The following UTRN variants were observed in gnomAD, a reference collection of about 807,000 sequenced individuals.
The protein encoded by UTRN is utrophin.
Under a neutral mutation model 463.9 loss-of-function variants are expected in UTRN, and 283 were observed. That is an observed-to-expected ratio of 0.61 (90% CI 0.55 to 0.67). UTRN has a LOEUF of 0.67. Among genes scored for constraint, UTRN ranks in the 30% least tolerant of loss-of-function variants. The pLI, the probability that UTRN is intolerant of heterozygous loss-of-function variation, is 0.00. For missense variants in UTRN, 3,922 were observed against 4,084.3 expected (o/e 0.96, Z 1.08); for synonymous variants, 1,442 against 1,431.5 (o/e 1.01, Z -0.17).
intron 34 of UTRN, among the ~76,000 whole-genome samples, chr6:144,509,229 T>G (rs1026488332): frequency 1.3e-5 from 2 of 152,164 alleles, no homozygotes; most frequent in African/African-American, 4.8e-5. Context: ...ATTTTTTTCT[T>G]TATAAACATT....
chr6:144,641,568 C>T (rs961282027), intron 51 of UTRN, among the ~76,000 whole-genome samples: 11 of 152,126 alleles, frequency 7.2e-5, no homozygotes, highest in Non-Finnish European at 2.9e-5. Context: ...AACTCTGGAA[C>T]GCCCTTGGCC....
At chr6:144,642,318 A>T (rs1777855476) in intron 51 of UTRN, among the ~76,000 whole-genome samples, 1 of 152,100 alleles carries the variant, frequency 6.6e-6, no homozygotes, top group Admixed American at 6.5e-5. Context: ...TCATGTTTAG[A>T]TCTTATTTCA....
chr6:144,748,550 T>A, intron 55 of UTRN, 36 bp downstream of exon 55: 1 of 1,589,894 alleles, frequency 6.3e-7, no homozygotes, highest in Non-Finnish European at 8.5e-7. Context: ...TTTTAAGAAA[T>A]GTTTTCTTGT....
chr6:144,771,042 G>A (rs2128732605), intron 58 of UTRN, among the ~76,000 whole-genome samples: 1 of 152,316 alleles, frequency 6.6e-6, no homozygotes, highest in East Asian at 1.9e-4. Context: ...GACTCCCACA[G>A]CACTACTTCT....
At chr6:144,387,479 C>G (rs189899375) in intron 2 of UTRN, among the ~76,000 whole-genome samples, 1 of 152,304 alleles carries the variant, frequency 6.6e-6, no homozygotes, top group African/African-American at 2.4e-5. Context: ...CCTTAAAATA[C>G]TTGAATTTAT....
At chr6:144,755,977 G>GC (rs2128725374) in intron 57 of UTRN, among the ~76,000 whole-genome samples, 2 of 151,614 alleles carry the variant, frequency 1.3e-5, no homozygotes, top group Non-Finnish European at 2.9e-5. Flanking sequence ...CCTCCTCACT[G>GC]CCCCCACCCC....
At chr6:144,366,280 G>A (rs1473244339) in intron 2 of UTRN, among the ~76,000 whole-genome samples, 7 of 152,088 alleles carry the variant, frequency 4.6e-5, no homozygotes, top group South Asian at 4.1e-4. Context: ...TCTGGGGTAC[G>A]TGTGCAGGTT....
At chr6:144,636,610 A>C (rs1777203484) in intron 51 of UTRN, among the ~76,000 whole-genome samples, 2 of 152,216 alleles carry the variant, frequency 1.3e-5, no homozygotes, top group Admixed American at 1.3e-4. Context: ...GATAACAAAG[A>C]AGATAGATTT....
At chr6:144,569,068 T>TA (rs962486742) in intron 50 of UTRN, among the ~76,000 whole-genome samples, 2 of 152,028 alleles carry the variant, frequency 1.3e-5, no homozygotes, top group African/African-American at 2.4e-5. Flanking sequence ...TGAGAATGGA[T>TA]AAAAAATCTT....
chr6:144,679,076 G>T (rs939764605), intron 52 of UTRN, among the ~76,000 whole-genome samples: 6 of 152,026 alleles, frequency 3.9e-5, no homozygotes, highest in African/African-American at 1.4e-4. Flanking sequence ...AACATGTTTT[G>T]CTTAATCATG....
At chr6:144,662,835 GTAAA>G (rs1192654603) in intron 51 of UTRN, among the ~76,000 whole-genome samples, 1 of 152,138 alleles carries the variant, frequency 6.6e-6, no homozygotes, top group East Asian at 1.9e-4. Context: ...TTTTGTGAAG[GTAAA>G]TTGAAAGGGA....
chr6:144,828,759 G>A, intron 68 of UTRN, 31 bp from the exon 69 acceptor site: 1 of 1,608,518 alleles, frequency 6.2e-7, no homozygotes, highest in South Asian at 1.1e-5. Context: ...ATATGGCCAT[G>A]TTGTCTAACC....
intron 8 of UTRN, among the ~76,000 whole-genome samples, chr6:144,429,103 T>A (rs1447811340): frequency 6.6e-6 from 1 of 152,208 alleles, no homozygotes; most frequent in African/African-American, 2.4e-5. Flanking sequence ...GAAATTTAAC[T>A]ACAGCACTGG....
chr6:144,305,143 C>T (rs1283862924), intron 2 of UTRN, among the ~76,000 whole-genome samples: 1 of 152,034 alleles, frequency 6.6e-6, no homozygotes, highest in Admixed American at 6.5e-5. Context: ...CCATGTTGGC[C>T]AGGCTGGTAA....
chr6:144,734,904 C>T (rs1373007433), intron 54 of UTRN, among the ~76,000 whole-genome samples: 2 of 152,140 alleles, frequency 1.3e-5, no homozygotes, highest in South Asian at 2.1e-4. Context: ...GACCTGGTCT[C>T]TTATTATTGT....
At chr6:144,628,232 A>G (rs1031557796) in intron 51 of UTRN, among the ~76,000 whole-genome samples, 24 of 152,206 alleles carry the variant, frequency 1.6e-4, no homozygotes, top group African/African-American at 4.8e-4. Flanking sequence ...GTGTACAAGT[A>G]TCCGTTTTAG....
intron 62 of UTRN, among the ~76,000 whole-genome samples, chr6:144,793,556 A>G (rs896451896): frequency 6.6e-6 from 1 of 152,206 alleles, no homozygotes; most frequent in East Asian, 1.9e-4. Flanking sequence ...TTATTGATTT[A>G]TATTATATAT....
intron 51 of UTRN, among the ~76,000 whole-genome samples, chr6:144,641,461 A>G (rs1777758751): frequency 6.6e-6 from 1 of 152,200 alleles, no homozygotes; most frequent in Admixed American, 6.5e-5. Flanking sequence ...GATGTTTCAT[A>G]TCAGACTTAA....
intron 60 of UTRN, among the ~76,000 whole-genome samples, chr6:144,779,187 G>A (rs1354427755): frequency 1.3e-5 from 2 of 152,164 alleles, no homozygotes; most frequent in Non-Finnish European, 2.9e-5. Flanking sequence ...CTGTGTTACT[G>A]GCATAATTAA....
Sources: allele counts gnomAD v4.1 joint callset (sites outside exome capture counted in the v4.1 genomes callset), GRCh38; gene constraint gnomAD v4.1.1; transcripts MANE v1.5; gene names NCBI Gene and HGNC (gene_info 2026-07-23, HGNC 2026-07-21).